Variants in PRR11 observed in about 807,000 individuals in gnomAD.
The protein encoded by PRR11 is proline-rich protein 11.
Under a neutral mutation model 45.6 loss-of-function variants are expected in PRR11, and 30 were observed. The observed-to-expected ratio is 0.66, with a 90% CI of 0.49 to 0.89. The LOEUF (loss-of-function observed/expected upper bound fraction) is 0.89, where lower values mean the gene tolerates loss of function less well. Among genes scored for constraint, PRR11 ranks in the 40% least tolerant of loss-of-function variants. PRR11 has a pLI of 0.00. For synonymous variants in PRR11, 128 were observed against 153.5 expected (o/e 0.83, Z 1.23); for missense variants, 373 against 424.8 (o/e 0.88, Z 1.07).
intron 5 of PRR11, among the ~76,000 whole-genome samples, chr17:59,194,133 A>T (rs1383872435): frequency 6.6e-6 from 1 of 152,130 alleles, no homozygotes; most frequent in East Asian, 1.9e-4. Context: ...TATTTCAGTT[A>T]CTTATTTACC....
At chr17:59,172,874 C>G (rs1378970686) in intron 2 of PRR11, among the ~76,000 whole-genome samples, 1 of 152,256 alleles carries the variant, frequency 6.6e-6, no homozygotes, top group Non-Finnish European at 1.5e-5. Flanking sequence ...CAGCACCCAT[C>G]GCATGCCCGC....
At chr17:59,160,356 C>G (rs1345853923) in intron 1 of PRR11, among the ~76,000 whole-genome samples, 5 of 152,200 alleles carry the variant, frequency 3.3e-5, no homozygotes, top group Admixed American at 3.3e-4. Flanking sequence ...CTACAGTATA[C>G]TTCCTCTTGT....
At position 59,184,331 on chromosome 17, in the gene PRR11, C is replaced by G. The variant is rs1460297229; in HGVS notation, c.129-723C>G. Among the ~76,000 whole-genome samples the G allele has an allele frequency of 2.0e-5, 3 of 152,060 alleles. No homozygotes were observed. In the East Asian group the frequency reaches 5.8e-4, roughly 29 times the overall value. On this transcript the variant is annotated intron_variant, in intron 2 of 9. Transcript: ENST00000262293. ...ACAAAAAATTAGCCAGGCATGGTGG[C>G]GGGTGCCTGTAATCCCAGCTACTCA... is the stretch of plus-strand genomic sequence containing the variant.
In PRR11 at chr17:59,175,042, T is replaced by G; in HGVS notation, c.128+5162T>G. The G allele has an allele frequency of 1.8e-5, 11 of 623,880 alleles. No individual in the cohort carries two copies. In the South Asian group the frequency reaches 1.8e-4, roughly 10 times the overall value. The allele number at this position is 623,880 out of a possible 1,614,324, so 38.6% of individuals were successfully genotyped here. A position where few individuals can be genotyped will look rare whatever the true frequency, so the allele number is the denominator to read the frequency against. On this transcript the variant is annotated intron_variant, in intron 2 of 9. Transcript: ENST00000262293. ...AACCGAAGTTTATGGAACAAGGGTA[T>G]CTGGGAGTGGTTCTTCCCGTACAGG... is the stretch of plus-strand genomic sequence containing the variant.
chr17:59,181,475 A>G lies in PRR11; in HGVS notation c.129-3579A>G, dbSNP rs543199349. 33 of 1,093,718 alleles carry G rather than the reference A, an allele frequency of 3.0e-5. No individual in the cohort carries two copies. The South Asian group carries it at 3.9e-4, about 13-fold the overall frequency. 67.8% of individuals were successfully genotyped at this position (1,093,718 alleles called of 1,614,324 possible). On this transcript the variant is annotated intron_variant, in intron 2 of 9. Coordinates refer to ENST00000262293, the MANE Select transcript of PRR11 (RefSeq NM_018304.4). ...GAAAGTTTTCCTCGTTTTTAAAAGA[A>G]CAGGATTGGAGGTGCTCTCTGGGGT...
intron 1 of PRR11, among the ~76,000 whole-genome samples, chr17:59,159,870 C>A (rs763294028): frequency 3.9e-5 from 6 of 152,236 alleles, no homozygotes; most frequent in Admixed American, 1.3e-4. Context: ...GAATTATGTA[C>A]CCTTGCTTTA....
At position 59,194,779 on chromosome 17, in the gene PRR11, G is replaced by A; in HGVS notation, c.668G>A (p.Gly223Glu). ...ALQAGPLKKDGPMQITVKDLL... is the reference protein window; with the variant it reads ...ALQAGPLKKDEPMQITVKDLL... ...AAGGCTGGACCATTAAAAAAAGATG[G>A]ACCCATGCAGATAACAGTTAAAGAT... The change falls in exon 6 of 10, where the codon GGA becomes GAA. Residue 223 changes from glycine to glutamate, a missense_variant. Gly to Glu is a moderately conservative substitution (Grantham distance 98). Coordinates refer to ENST00000262293, the MANE Select transcript of PRR11 (RefSeq NM_018304.4). 1 of 1,613,292 alleles carries A rather than the reference G, an allele frequency of 6.2e-7. No individual in the cohort carries two copies. The highest frequency in any genetic ancestry group is 1.3e-5 in the African/African-American group (1 of 74,938).
At chr17:59,192,538 G>C in intron 4 of PRR11, among the ~76,000 whole-genome samples, 1 of 152,168 alleles carries the variant, frequency 6.6e-6, no homozygotes, top group East Asian at 1.9e-4. Flanking sequence ...CTGGAAGCAA[G>C]AAGTCTGTGG....
At chr17:59,168,465 C>T (rs2046690529) in intron 1 of PRR11, among the ~76,000 whole-genome samples, 2 of 152,146 alleles carry the variant, frequency 1.3e-5, no homozygotes, top group South Asian at 4.1e-4. Context: ...CCACCACACC[C>T]AGCCGGTGAT....
At chr17:59,177,784 GAC>G (rs2046756299) in intron 2 of PRR11, among the ~76,000 whole-genome samples, 2 of 152,206 alleles carry the variant, frequency 1.3e-5, no homozygotes, top group South Asian at 4.1e-4. Flanking sequence ...GAGAGGCTGA[GAC>G]AGGAGGATCA....
Position 59,179,478 on chromosome 17 carries a change from A to G in PRR11, c.129-5576A>G, listed in dbSNP as rs2046768679. Among the ~76,000 whole-genome samples the G allele has an allele frequency of 2.0e-5, 3 of 151,950 alleles. No individual in the cohort carries two copies. In the South Asian group the frequency reaches 6.2e-4, roughly 32 times the overall value. ...TATCCCAATTGCCAACCTAATCCTA[A>G]TCTTCTATCATCTCCTAAGTGTCCC... On this transcript the variant is annotated intron_variant, in intron 2 of 9. Transcript: ENST00000262293.
intron 2 of PRR11, chr17:59,177,118 G>A (rs1165141758): frequency 5.4e-6 from 3 of 554,442 alleles, no homozygotes; most frequent in Non-Finnish European, 1.1e-5. Context: ...CACTTCCCCC[G>A]CTGTCCCAGG....
chr17:59,191,904 T>C (rs1021774314), intron 4 of PRR11, among the ~76,000 whole-genome samples: 3 of 152,120 alleles, frequency 2.0e-5, no homozygotes, highest in Non-Finnish European at 4.4e-5. Context: ...AAAAGGCAAG[T>C]CATTTAACTC....
chr17:59,178,228 G>A (rs1184719129), intron 2 of PRR11, among the ~76,000 whole-genome samples: 1 of 152,124 alleles, frequency 6.6e-6, no homozygotes, highest in Non-Finnish European at 1.5e-5. Flanking sequence ...CAGCTGCTTG[G>A]GAGGCTGAGG....
In PRR11 at chr17:59,183,546, C is replaced by T. The variant is rs561054325; in HGVS notation, c.129-1508C>T. 5.3e-5 allele frequency among the ~76,000 whole-genome samples: 8 copies of T among 152,198 alleles called. No homozygotes were observed. In the South Asian group the frequency reaches 6.2e-4, roughly 12 times the overall value. ...TACTGGGGGTACACGTGTCCTCTGC[C>T]GTAAGGCATCTTTGAGTCCAAGAGA... On this transcript the variant is annotated intron_variant, in intron 2 of 9. Transcript: ENST00000262293.
intron 4 of PRR11, among the ~76,000 whole-genome samples, chr17:59,193,032 G>A (rs1298596955): frequency 6.6e-6 from 1 of 152,116 alleles, no homozygotes; most frequent in East Asian, 1.9e-4. Context: ...CATGCTCATA[G>A]CACACTTCGT....
chr17:59,185,326 G>A (rs1231138162), intron 3 of PRR11, 114 bp from the exon 4 acceptor site: 2 of 1,516,204 alleles, frequency 1.3e-6, no homozygotes, highest in African/African-American at 2.8e-5. Context: ...AAATTATTGA[G>A]TCAAGTCTGC....
At chr17:59,194,118 A>G (rs1384024102) in intron 5 of PRR11, among the ~76,000 whole-genome samples, 3 of 152,134 alleles carry the variant, frequency 2.0e-5, no homozygotes, top group Non-Finnish European at 4.4e-5. Flanking sequence ...TGGAGAACCA[A>G]TCTCTATTTC....
rs2147858839 is a variant in PRR11 at position 59,202,348 on chromosome 17, C to T, written c.*717C>T. 1.3e-5 allele frequency: 2 copies of T among 152,246 alleles called. No homozygotes were observed. The highest frequency in any genetic ancestry group is 1.3e-4 in the Admixed American group (2 of 15,276). 9.4% of individuals were successfully genotyped at this position (152,246 alleles called of 1,614,324 possible). A position where few individuals can be genotyped will look rare whatever the true frequency, so the allele number is the denominator to read the frequency against. ...GGCCAAGGTGGGAGGATTGCTTGAG[C>T]CCAGGAATTCAAGACTAGCCTGGGC... On this transcript the variant is annotated 3_prime_UTR_variant, in exon 10 of 10. Coordinates refer to ENST00000262293, the MANE Select transcript of PRR11 (RefSeq NM_018304.4).
Sources: gnomAD v4.1 joint callset for allele counts (sites outside exome capture counted in the v4.1 genomes callset) on GRCh38, gnomAD v4.1.1 for gene constraint, MANE v1.5 for transcripts, NCBI Gene and HGNC (gene_info 2026-07-23, HGNC 2026-07-21) for gene names.